The following TRAPPC9 variants were observed in gnomAD, a reference collection of about 807,000 sequenced individuals.
TRAPPC9 encodes the protein IKK2 binding protein.
Under a neutral mutation model 124.0 loss-of-function variants are expected in TRAPPC9, and 83 were observed. The ratio of observed to expected loss-of-function variants is 0.67; its 90% CI spans 0.56 to 0.80. The LOEUF (loss-of-function observed/expected upper bound fraction) is 0.80, where lower values mean the gene tolerates loss of function less well. TRAPPC9 is among the 30% of genes least tolerant of loss of function. TRAPPC9 has a pLI of 0.00. For missense variants in TRAPPC9, 1,302 were observed against 1,508.3 expected, an observed-to-expected ratio of 0.86 and a Z score of 2.27; for synonymous variants, 638 against 617.5, an observed-to-expected ratio of 1.03 and a Z score of -0.49.
intron 17 of TRAPPC9, among the ~76,000 whole-genome samples, chr8:140,078,770 C>CT (rs1400042614): frequency 6.6e-6 from 1 of 152,120 alleles, no homozygotes; most frequent in East Asian, 1.9e-4. Context: ...GGTCTGCACT[C>CT]TAACACCAGG....
chr8:140,224,301 T>C (rs763499952), intron 16 of TRAPPC9, among the ~76,000 whole-genome samples: 16 of 152,186 alleles, frequency 1.1e-4, no homozygotes, highest in South Asian at 2.1e-4. Context: ...TTAAAATCCA[T>C]GCAAGCATCA....
chr8:140,349,345 GGGGCGCGCGAGGGAA>G (rs201551589), intron 9 of TRAPPC9, among the ~76,000 whole-genome samples: 3,432 of 117,066 alleles, frequency 0.029, 110 homozygotes, highest in African/African-American at 0.048. Flanking sequence ...GGGGCCGAAG[GGGGCGCGCGAGGGAA>G]GGGCGCGCGA....
chr8:140,313,876 A>C (rs770769341), intron 9 of TRAPPC9, among the ~76,000 whole-genome samples: 1 of 152,162 alleles, frequency 6.6e-6, no homozygotes, highest in Non-Finnish European at 1.5e-5. Context: ...CCCTACTGCC[A>C]TATGACCCCA....
intron 9 of TRAPPC9, among the ~76,000 whole-genome samples, chr8:140,358,582 C>T (rs746625275): frequency 2.0e-5 from 3 of 152,208 alleles, no homozygotes; most frequent in Non-Finnish European, 4.4e-5. Flanking sequence ...AGAGCCTGCT[C>T]AAAGACAGAG....
rs188502677 is a variant in TRAPPC9 at position 140,416,496 on chromosome 8, G to C, written c.886+10119C>G. On this transcript the variant is annotated intron_variant, in intron 5 of 22. Transcript: ENST00000438773. ...GCTTCAAAGAGAATAAAATACCTAGGAATACAACTTACAAGGGATGTGAAG... is the reference window on the plus strand; with the variant it reads ...GCTTCAAAGAGAATAAAATACCTAGCAATACAACTTACAAGGGATGTGAAG... Among the ~76,000 whole-genome samples the C allele has an allele frequency of 2.2e-3, 332 of 152,142 alleles. 2 individuals are homozygous for C. Among genetic ancestry groups the C allele is most frequent in the African/African-American group, 7.8e-3 (323 of 41,522 alleles).
At chr8:140,003,811 A>G (rs1268740600) in intron 18 of TRAPPC9, among the ~76,000 whole-genome samples, 1 of 152,200 alleles carries the variant, frequency 6.6e-6, no homozygotes, top group Non-Finnish European at 1.5e-5. Context: ...AATAGTGAAA[A>G]ATACATCATA....
chr8:140,346,304 C>A (rs2067347231), intron 9 of TRAPPC9, among the ~76,000 whole-genome samples: 1 of 152,326 alleles, frequency 6.6e-6, no homozygotes, highest in South Asian at 2.1e-4. Context: ...CTGCGTGCCC[C>A]TCACACTGCT....
intron 17 of TRAPPC9, chr8:140,040,088 A>T (rs1290506631): frequency 1.3e-5 from 2 of 152,190 alleles, no homozygotes; most frequent in Non-Finnish European, 2.9e-5. Flanking sequence ...GACTCTCCTG[A>T]AGGGAACCAC....
At chr8:139,895,629 T>C (rs1479141689) in intron 20 of TRAPPC9, among the ~76,000 whole-genome samples, 2 of 152,120 alleles carry the variant, frequency 1.3e-5, no homozygotes, top group East Asian at 3.8e-4. Context: ...AAATTAAATG[T>C]TGAGAGTTCA....
chr8:140,281,374 C>T (rs1230147991), intron 14 of TRAPPC9, among the ~76,000 whole-genome samples: 2 of 152,154 alleles, frequency 1.3e-5, no homozygotes, highest in East Asian at 3.9e-4. Context: ...TGTCGACCAT[C>T]CTTCCAGGTT....
intron 17 of TRAPPC9, among the ~76,000 whole-genome samples, chr8:140,148,426 T>A (rs752273215): frequency 7.3e-4 from 111 of 152,238 alleles, no homozygotes; most frequent in Non-Finnish European, 1.4e-3. Flanking sequence ...AAAAGAAAAT[T>A]CCCAGTGTCC....
intron 2 of TRAPPC9, among the ~76,000 whole-genome samples, chr8:140,440,529 C>T (rs549812279): frequency 6.6e-6 from 1 of 151,830 alleles, no homozygotes; most frequent in African/African-American, 2.4e-5. Context: ...AAAAGAAAGG[C>T]ATCTGAGCTG....
chr8:140,113,903 G>A lies in TRAPPC9; in HGVS notation c.2557-89824C>T, dbSNP rs548356413. Among the ~76,000 whole-genome samples, 76 of 152,282 alleles carry A rather than the reference G, an allele frequency of 5.0e-4. No homozygotes were observed. The South Asian group carries it at 8.5e-3, about 17-fold the overall frequency. On this transcript the variant is annotated intron_variant, in intron 17 of 22. Transcript: ENST00000438773. Reference sequence around the variant, plus strand: ...AGTCCCTGACACAATCAAAGCCTGTGAAGCTGCACCCACGCTTCCCACTCG... The same window carrying A: ...AGTCCCTGACACAATCAAAGCCTGTAAAGCTGCACCCACGCTTCCCACTCG...
intron 21 of TRAPPC9, among the ~76,000 whole-genome samples, chr8:139,864,337 A>G (rs1209070644): frequency 6.6e-6 from 1 of 152,236 alleles, no homozygotes; most frequent in African/African-American, 2.4e-5. Context: ...ATTCGGGGAT[A>G]TAAAAATTCC....
chr8:139,989,030 G>A (rs560912908), intron 18 of TRAPPC9, among the ~76,000 whole-genome samples, 194 bp from the exon 19 acceptor site: 97 of 152,274 alleles, frequency 6.4e-4, no homozygotes, highest in African/African-American at 2.2e-3. Flanking sequence ...GTGGGTGTAG[G>A]CATCAGGTCC....
rs978861195 is a variant in TRAPPC9 at position 139,962,594 on chromosome 8, C to T, written c.2810+26132G>A. On this transcript the variant is annotated intron_variant, in intron 19 of 22. Coordinates refer to ENST00000438773, the MANE Select transcript of TRAPPC9 (RefSeq NM_001160372.4). ...GGGTGAGCCTGAAGTTGGACCTTGA[C>T]ATGGTGCCAGACATCAGTCCCAATC... is the stretch of plus-strand genomic sequence containing the variant. Among the ~76,000 whole-genome samples the T allele has an allele frequency of 3.2e-5, 4 of 123,926 alleles. 1 individual carries two copies. The highest frequency in any genetic ancestry group is 7.7e-5 in the Non-Finnish European group (4 of 52,092). The allele number at this position is 123,926 out of a possible 152,430, so 81.3% of individuals were successfully genotyped here. A position where few individuals can be genotyped will look rare whatever the true frequency, so the allele number is the denominator to read the frequency against.
intron 20 of TRAPPC9, among the ~76,000 whole-genome samples, chr8:139,903,213 T>C (rs778000477): frequency 1.2e-4 from 18 of 152,168 alleles, no homozygotes; most frequent in Non-Finnish European, 1.6e-4. Context: ...TTCACAGATA[T>C]TCCACTCCAA....
intron 21 of TRAPPC9, among the ~76,000 whole-genome samples, chr8:139,741,899 A>C (rs1362787628): frequency 6.6e-6 from 1 of 152,160 alleles, no homozygotes; most frequent in African/African-American, 2.4e-5. Flanking sequence ...TGGATGGGGC[A>C]CATTTTGTTC....
At chr8:140,331,524 GAAC>G (rs2066893532) in intron 9 of TRAPPC9, among the ~76,000 whole-genome samples, 1 of 152,030 alleles carries the variant, frequency 6.6e-6, no homozygotes, top group Non-Finnish European at 1.5e-5. Context: ...ACATCACAGT[GAAC>G]AACAATCTGC....
Sources: gnomAD v4.1 joint callset for allele counts (sites outside exome capture counted in the v4.1 genomes callset) on GRCh38, gnomAD v4.1.1 for gene constraint, MANE v1.5 for transcripts, NCBI Gene and HGNC (gene_info 2026-07-23, HGNC 2026-07-21) for gene names.